SMC1B: variants seen among roughly 807,000 people sequenced by gnomAD.
SMC1B encodes the protein structural maintenance of chromosomes protein 1B.
In SMC1B, 60 loss-of-function variants were observed where a neutral mutation model predicts 157.9. The ratio of observed to expected loss-of-function variants is 0.38; its 90% confidence interval spans 0.31 to 0.47. The LOEUF (loss-of-function observed/expected upper bound fraction) is 0.47. Among genes scored for constraint, SMC1B ranks in the 20% least tolerant of loss-of-function variants. The pLI, the probability that SMC1B is intolerant of heterozygous loss-of-function variation, is 0.99. For missense variants in SMC1B, 1,165 were observed against 1,426.2 expected, an observed-to-expected ratio of 0.82 and a Z score of 2.95; for synonymous variants, 445 against 483.0, an observed-to-expected ratio of 0.92 and a Z score of 1.03.
At chr22:45,393,509 G>C (rs2146831970) in intron 9 of SMC1B, 125 bp downstream of exon 9, 1 of 724,038 alleles carries the variant, frequency 1.4e-6, no homozygotes, top group Middle Eastern at 3.2e-4. Context: ...AAAACTTAAA[G>C]ATGTCTGAAA....
intron 12 of SMC1B, among the ~76,000 whole-genome samples, chr22:45,372,728 T>G (rs1443735031): frequency 1.3e-4 from 20 of 150,262 alleles, no homozygotes; most frequent in Admixed American, 1.3e-3. Flanking sequence ...TTTTTTTTTT[T>G]TTGAGACAGA....
At chr22:45,389,514 G>A (rs2087032167) in intron 10 of SMC1B, among the ~76,000 whole-genome samples, 198 bp downstream of exon 10, 4 of 152,220 alleles carry the variant, frequency 2.6e-5, no homozygotes, top group Admixed American at 2.6e-4. Flanking sequence ...GAAATGGTAT[G>A]ATGTCAAGAA....
intron 2 of SMC1B, 54 bp downstream of exon 2, chr22:45,408,656 G>A: frequency 1.6e-6 from 2 of 1,250,698 alleles, no homozygotes; most frequent in Non-Finnish European, 2.2e-6. Flanking sequence ...GAAAAAATGG[G>A]CAATCTTACT....
intron 1 of SMC1B, among the ~76,000 whole-genome samples, chr22:45,411,488 C>T (rs2087333129): frequency 6.6e-6 from 1 of 152,246 alleles, no homozygotes; most frequent in African/African-American, 2.4e-5. Context: ...TCTTTGGGGG[C>T]AATGAAAATG....
rs2086704228 is a variant in SMC1B at position 45,359,866 on chromosome 22, T to C, written c.2801A>G (p.Lys934Arg). 1.2e-6 allele frequency: 2 copies of C among 1,614,048 alleles called. No homozygotes were observed. Among genetic ancestry groups the C allele is most frequent in the African/African-American group, 1.3e-5 (1 of 74,936 alleles). ...LEKHNLLLDC[K>R]VQDIEIILLS... ...AAGGATTATCTCAATGTCTTGCACT[T>C]TGCAATCAAGCAGCAAGTTATGCTT... Residue 934 changes from lysine (K) to arginine (R), a missense_variant, in exon 18 of 25, where the codon AAA becomes AGA. By Grantham distance (26) the Lys-to-Arg change is conservative. Coordinates refer to ENST00000357450, the MANE Select transcript of SMC1B (RefSeq NM_148674.5).
intron 17 of SMC1B, among the ~76,000 whole-genome samples, chr22:45,361,335 A>G (rs1415680059): frequency 6.6e-6 from 1 of 152,336 alleles, no homozygotes. Context: ...GCTCTAGGCC[A>G]GGAGCAGTGG....
chr22:45,413,057 TG>T (rs10708347), intron 1 of SMC1B, among the ~76,000 whole-genome samples: 79,159 of 150,506 alleles, frequency 0.53, 22,408 homozygotes, highest in African/African-American at 0.76. Flanking sequence ...ACCCCCAGGG[TG>T]GGGGGCGAGG....
At chr22:45,383,402 C>A in intron 12 of SMC1B, 65 bp downstream of exon 12, 1 of 1,260,984 alleles carries the variant, frequency 7.9e-7, no homozygotes, top group East Asian at 2.6e-5. Flanking sequence ...TTATAAAAAA[C>A]CCACCTAGTT....
chr22:45,370,267 TAAGA>T (rs2086818682), intron 14 of SMC1B, among the ~76,000 whole-genome samples: 5 of 152,126 alleles, frequency 3.3e-5, no homozygotes, highest in Admixed American at 3.3e-4. Flanking sequence ...TCAAAAAAAC[TAAGA>T]AAGATCATAA....
At chr22:45,398,157 C>T (rs1380928198) in intron 6 of SMC1B, among the ~76,000 whole-genome samples, 1 of 152,182 alleles carries the variant, frequency 6.6e-6, no homozygotes, top group African/African-American at 2.4e-5. Flanking sequence ...CTGATTAGCA[C>T]ACTGTAACAC....
chr22:45,357,069 G>T (rs2086677545), intron 19 of SMC1B, among the ~76,000 whole-genome samples: 1 of 152,106 alleles, frequency 6.6e-6, no homozygotes, highest in Admixed American at 6.6e-5. Context: ...CTCTGCTTAG[G>T]AACAAAAGGA....
Position 45,388,045 on chromosome 22 carries a change from C to A in SMC1B, c.1732-999G>T, listed in dbSNP as rs1303960345. Among the ~76,000 whole-genome samples, 35 of 136,726 alleles carry A rather than the reference C, an allele frequency of 2.6e-4. No homozygotes were observed. The Middle Eastern group carries it at 0.011, about 44-fold the overall frequency. The allele number at this position is 136,726 out of a possible 152,430, so 89.7% of individuals were successfully genotyped here. On this transcript the variant is annotated intron_variant, in intron 10 of 24. Coordinates refer to ENST00000357450, the MANE Select transcript of SMC1B (RefSeq NM_148674.5). ...GAGCCTCTGTCAAAAAAAAAAACAG[C>A]AAAAAAAACCCACAAACAAAACACT...
chr22:45,404,728 A>G (rs2087238660), intron 4 of SMC1B, among the ~76,000 whole-genome samples: 1 of 152,138 alleles, frequency 6.6e-6, no homozygotes, highest in Non-Finnish European at 1.5e-5. Context: ...AGAATGAAGC[A>G]ACATACATCT....
At position 45,393,580 on chromosome 22, in the gene SMC1B, G is replaced by A. The variant is rs1054654472; in HGVS notation, c.1545+54C>T. 7 of 1,332,504 alleles carry A rather than the reference G, an allele frequency of 5.3e-6. No individual in the cohort carries two copies. In the African/African-American group the frequency reaches 8.9e-5, roughly 17 times the overall value. The allele number at this position is 1,332,504 out of a possible 1,614,324, so 82.5% of individuals were successfully genotyped here. A position where few individuals can be genotyped will look rare whatever the true frequency, so the allele number is the denominator to read the frequency against. On this transcript the variant is annotated intron_variant, in intron 9 of 24. Coordinates refer to ENST00000357450, the MANE Select transcript of SMC1B (RefSeq NM_148674.5). ...CCCAAATGAGAAGATACTGTTGAAA[G>A]CAAACAGGAAAGCTTAGTTTTTTTT...
Position 45,406,503 on chromosome 22 carries a change from T to C in SMC1B, c.572A>G (p.Asn191Ser), listed in dbSNP as rs2087261804. ...TGCTTGTCTGCGCTCTGCCGCTATA[T>C]TTTTTTTCTTATTAAAGTTAAACTG... is the stretch of plus-strand genomic sequence containing the variant. ...DAQFNFNKKK[N>S]IAAERRQAKL... Residue 191 changes from asparagine to serine, a missense_variant, in exon 4 of 25, where the codon AAT (asparagine) becomes AGT (serine). Coordinates refer to ENST00000357450, the MANE Select transcript of SMC1B (RefSeq NM_148674.5). 6.2e-7 allele frequency: 1 copy of C among 1,610,220 alleles called. No homozygotes were observed. Among genetic ancestry groups the C allele is most frequent in the East Asian group, 2.2e-5 (1 of 44,824 alleles).
intron 12 of SMC1B, among the ~76,000 whole-genome samples, chr22:45,375,762 C>T (rs945092108): frequency 1.3e-5 from 2 of 151,986 alleles, no homozygotes; most frequent in African/African-American, 4.8e-5. Context: ...ACTTAAACAC[C>T]CTTGTATTTG....
chr22:45,373,837 T>C (rs151061849), intron 12 of SMC1B, among the ~76,000 whole-genome samples: 3 of 152,324 alleles, frequency 2.0e-5, no homozygotes, highest in East Asian at 3.9e-4. Flanking sequence ...TAGGCAAATG[T>C]GATGGGATAA....
At chr22:45,354,229 T>A in intron 20 of SMC1B, 97 bp from the exon 21 acceptor site, 1 of 987,254 alleles carries the variant, frequency 1.0e-6, no homozygotes, top group Non-Finnish European at 1.4e-6. Flanking sequence ...TGGATTTGAG[T>A]TTGGATCTCT....
intron 15 of SMC1B, among the ~76,000 whole-genome samples, chr22:45,364,206 G>A (rs2086750199): frequency 6.6e-6 from 1 of 152,038 alleles, no homozygotes; most frequent in Admixed American, 6.6e-5. Context: ...TACTTTGCCA[G>A]CTTCATAAAC....
Sources: allele counts gnomAD v4.1 joint callset (sites outside exome capture counted in the v4.1 genomes callset), GRCh38; gene constraint gnomAD v4.1.1; transcripts MANE v1.5; gene names NCBI Gene and HGNC (gene_info 2026-07-23, HGNC 2026-07-21).